THSD4: variants seen among roughly 807,000 people sequenced by gnomAD.
THSD4 encodes thrombospondin type-1 domain-containing protein 4.
Under a neutral mutation model 119.0 loss-of-function variants are expected in THSD4, and 69 were observed. The ratio of observed to expected loss-of-function variants is 0.58; its 90% CI spans 0.48 to 0.71. The LOEUF is 0.71. Ranked by LOEUF, THSD4 falls within the 30% of genes least tolerant of loss-of-function variation. The pLI, the probability that THSD4 is intolerant of heterozygous loss-of-function variation, is 0.00. For synonymous variants in THSD4, 524 were observed against 540.4 expected, an observed-to-expected ratio of 0.97 and a Z score of 0.42; for missense variants, 1,393 against 1,391.1, an observed-to-expected ratio of 1.00 and a Z score of -0.02.
intron 6 of THSD4, among the ~76,000 whole-genome samples, chr15:71,331,208 T>G (rs1225685319): frequency 6.6e-6 from 1 of 152,182 alleles, no homozygotes; most frequent in Non-Finnish European, 1.5e-5. Context: ...CTTGTGATGG[T>G]GACAGAGGGG....
At chr15:71,347,335 C>T (rs2045677960) in intron 6 of THSD4, among the ~76,000 whole-genome samples, 1 of 152,170 alleles carries the variant, frequency 6.6e-6, no homozygotes, top group Admixed American at 6.5e-5. Context: ...GCCCAGTTAG[C>T]ACCATGTCAC....
chr15:71,696,098 A>G (rs2052159989), intron 8 of THSD4, among the ~76,000 whole-genome samples: 1 of 152,194 alleles, frequency 6.6e-6, no homozygotes, highest in Non-Finnish European at 1.5e-5. Flanking sequence ...ATTCCTGTTT[A>G]TGGTACCTTT....
intron 3 of THSD4, among the ~76,000 whole-genome samples, chr15:71,207,504 T>G (rs1157784901): frequency 6.6e-6 from 1 of 152,224 alleles, no homozygotes; most frequent in Non-Finnish European, 1.5e-5. Flanking sequence ...GATTACCACA[T>G]TTTATGCATA....
intron 13 of THSD4, 107 bp downstream of exon 13, chr15:71,747,149 G>A: frequency 7.6e-7 from 1 of 1,311,324 alleles, no homozygotes; most frequent in Non-Finnish European, 1.0e-6. Context: ...TTCCACAGGA[G>A]GGAACCCGTC....
At chr15:71,252,555 A>G (rs1360759727) in intron 5 of THSD4, among the ~76,000 whole-genome samples, 3 of 152,226 alleles carry the variant, frequency 2.0e-5, no homozygotes, top group Non-Finnish European at 4.4e-5. Flanking sequence ...CCCTATCCTG[A>G]CAAGACACAG....
intron 3 of THSD4, among the ~76,000 whole-genome samples, chr15:71,207,324 T>C (rs2043852720): frequency 6.6e-6 from 1 of 152,210 alleles, no homozygotes; most frequent in Non-Finnish European, 1.5e-5. Flanking sequence ...ACTCTGGCTG[T>C]GGTCAATTAC....
chr15:71,771,482 C>G (rs1318249574), intron 17 of THSD4, among the ~76,000 whole-genome samples: 1 of 152,058 alleles, frequency 6.6e-6, no homozygotes, highest in Non-Finnish European at 1.5e-5. Flanking sequence ...CTCTATCGTC[C>G]TTAAGGTCAA....
chr15:71,450,218 C>A lies in THSD4; in HGVS notation c.1152+38395C>A, dbSNP rs528999168. Reference sequence around the variant, plus strand: ...GTTAGTGAATTGGGTGGCTGCGTGTCCATATGCCTCATTTGACTGGCATAG... The same window carrying A: ...GTTAGTGAATTGGGTGGCTGCGTGTACATATGCCTCATTTGACTGGCATAG... On this transcript the variant is annotated intron_variant, in intron 7 of 17. Transcript: ENST00000261862. Among the ~76,000 whole-genome samples the A allele has an allele frequency of 3.3e-5, 5 of 152,320 alleles. No homozygotes were observed. In the South Asian group the frequency reaches 8.3e-4, roughly 25 times the overall value.
At chr15:71,587,133 G>A (rs1311899384) in intron 7 of THSD4, among the ~76,000 whole-genome samples, 1 of 146,104 alleles carries the variant, frequency 6.8e-6, no homozygotes, top group Non-Finnish European at 1.5e-5. Context: ...ACAGGTGCTG[G>A]AGAGGATGTG....
At chr15:71,438,817 A>G (rs542581559) in intron 7 of THSD4, among the ~76,000 whole-genome samples, 1 of 152,364 alleles carries the variant, frequency 6.6e-6, no homozygotes, top group African/African-American at 2.4e-5. Flanking sequence ...TAATGCATTT[A>G]TGGACTTCAA....
chr15:71,165,916 G>T (rs2043290701), intron 3 of THSD4, among the ~76,000 whole-genome samples: 1 of 152,128 alleles, frequency 6.6e-6, no homozygotes, highest in African/African-American at 2.4e-5. Context: ...CCTCCAGTCA[G>T]GCTGTCAGGC....
Position 71,315,696 on chromosome 15 carries a change from A to G in THSD4, c.1015+58981A>G, listed in dbSNP as rs185596345. ...TTGCAGATAAATCTCTAGACCAGGG[A>G]TTTAGAAAACACTATTTTAAACTTC... On this transcript the variant is annotated intron_variant, in intron 6 of 17. Coordinates refer to ENST00000261862, the MANE Select transcript of THSD4 (RefSeq NM_024817.3). Among the ~76,000 whole-genome samples the G allele has an allele frequency of 7.2e-4, 109 of 152,308 alleles. 1 individual carries two copies. The highest frequency in any genetic ancestry group is 3.4e-3 in the Middle Eastern group (1 of 294).
In THSD4 at chr15:71,277,128, C is replaced by CTTCTTCTTCTTTTTTTTTTTTTTT. The variant is rs1555459953; in HGVS notation, c.1015+20415_1015+20416insCTTCTTCTTTTTTTTTTTTTTTTT. Reference sequence around the variant, plus strand: ...TATTTGTATTTGAATTCTTCTTCTTCTTTTTTTTTTTTTTGAAACGGAGTT... The same window carrying CTTCTTCTTCTTTTTTTTTTTTTTT: ...TATTTGTATTTGAATTCTTCTTCTTCTTCTTCTTCTTTTTTTTTTTTTTTTTTTTTTTTTTTTTGAAACGGAGTT... On this transcript the variant is annotated intron_variant, in intron 6 of 17. Transcript: ENST00000261862. 1.6e-4 allele frequency among the ~76,000 whole-genome samples: 20 copies of CTTCTTCTTCTTTTTTTTTTTTTTT among 122,992 alleles called. 1 individual carries two copies. In the South Asian group the frequency reaches 4.8e-3, roughly 29 times the overall value. The allele number at this position is 122,992 out of a possible 152,430, so 80.7% of individuals were successfully genotyped here. A position where few individuals can be genotyped will look rare whatever the true frequency, so the allele number is the denominator to read the frequency against.
At chr15:71,738,039 G>A in intron 11 of THSD4, 32 bp downstream of exon 11, 1 of 1,609,586 alleles carries the variant, frequency 6.2e-7, no homozygotes, top group Admixed American at 1.7e-5. Context: ...GTGGATCCCT[G>A]CAGAACCCTA....
At chr15:71,358,421 C>G (rs2045851517) in intron 6 of THSD4, among the ~76,000 whole-genome samples, 1 of 152,182 alleles carries the variant, frequency 6.6e-6, no homozygotes, top group Non-Finnish European at 1.5e-5. Flanking sequence ...CGACAGAAAT[C>G]CCATTAGATA....
chr15:71,278,185 T>G (rs2044613275), intron 6 of THSD4, among the ~76,000 whole-genome samples: 1 of 152,090 alleles, frequency 6.6e-6, no homozygotes, highest in African/African-American at 2.4e-5. Context: ...AACAGAATTT[T>G]TGTTTGCTTG....
intron 6 of THSD4, among the ~76,000 whole-genome samples, chr15:71,264,241 G>T (rs2140297325): frequency 6.6e-6 from 1 of 152,344 alleles, no homozygotes; most frequent in South Asian, 2.1e-4. Context: ...TTATTCATAG[G>T]CACTCTCATT....
intron 7 of THSD4, among the ~76,000 whole-genome samples, chr15:71,634,742 G>A (rs1191652973): frequency 6.6e-6 from 1 of 152,202 alleles, no homozygotes; most frequent in Admixed American, 6.5e-5. Flanking sequence ...GAGATATGCT[G>A]CTCCACGGTG....
At chr15:71,755,492 G>T (rs151128988) in intron 14 of THSD4, among the ~76,000 whole-genome samples, 7 of 151,948 alleles carry the variant, frequency 4.6e-5, no homozygotes, top group African/African-American at 1.4e-4. Flanking sequence ...TTTAAGAAAA[G>T]ACCCAGAAAC....
Sources: allele counts gnomAD v4.1 joint callset (sites outside exome capture counted in the v4.1 genomes callset), GRCh38; gene constraint gnomAD v4.1.1; transcripts MANE v1.5; gene names NCBI Gene and HGNC (gene_info 2026-07-23, HGNC 2026-07-21).